ARK2N: variants seen among roughly 807,000 people sequenced by gnomAD.
ARK2N encodes the protein arkadia (RNF111) N-terminal like PKA signaling regulator 2N, also known as protein ARK2N.
At chr18:46,262,991 C>G in the ARK2N span, 2 of 1,614,114 alleles carry the variant, frequency 1.2e-6, no homozygotes, top group Non-Finnish European at 1.7e-6. Context: ...GGCTCGGGCA[C>G]GCAGTATGTT....
chr18:46,181,402 C>T, the ARK2N span, among the ~76,000 whole-genome samples: 3 of 152,110 alleles, frequency 2.0e-5, no homozygotes, highest in Admixed American at 6.5e-5. Flanking sequence ...CTTAGAGCAG[C>T]CATTCCTAAG....
the ARK2N span, among the ~76,000 whole-genome samples, chr18:46,257,436 C>G: frequency 6.6e-6 from 1 of 152,152 alleles, no homozygotes; most frequent in Non-Finnish European, 1.5e-5. Context: ...TAGTCCTAGA[C>G]TAGAAAGCAT....
the ARK2N span, among the ~76,000 whole-genome samples, chr18:46,236,899 T>C: frequency 6.6e-6 from 1 of 151,664 alleles, no homozygotes; most frequent in Admixed American, 6.6e-5. Context: ...AATCTTGCTC[T>C]GTTGGCCACA....
At chr18:46,173,971 C>T in the ARK2N span, 1 of 152,292 alleles carries the variant, frequency 6.6e-6, no homozygotes, top group Non-Finnish European at 1.5e-5. Context: ...CGCCAGTCTC[C>T]AGAGGTCTCC....
chr18:46,190,022 A>G, the ARK2N span, among the ~76,000 whole-genome samples: 20 of 151,984 alleles, frequency 1.3e-4, no homozygotes, highest in African/African-American at 4.8e-4. Context: ...AAATTCAGAA[A>G]CTCTTCTAAA....
the ARK2N span, among the ~76,000 whole-genome samples, chr18:46,212,091 G>A: frequency 6.6e-6 from 1 of 152,066 alleles, no homozygotes; most frequent in Admixed American, 6.6e-5. Context: ...TTCACTTTCT[G>A]TGACTTTTTT....
At chr18:46,187,860 G>T in the ARK2N span, among the ~76,000 whole-genome samples, 1 of 152,062 alleles carries the variant, frequency 6.6e-6, no homozygotes, top group African/African-American at 2.4e-5. Context: ...CAGTTTTTGG[G>T]TTTTCAAGCT....
chr18:46,237,940 T>C, the ARK2N span, among the ~76,000 whole-genome samples: 1 of 152,230 alleles, frequency 6.6e-6, no homozygotes, highest in Admixed American at 6.5e-5. Flanking sequence ...CTGTCTCTGT[T>C]TATGATGAAT....
the ARK2N span, among the ~76,000 whole-genome samples, chr18:46,207,388 CTTTTTTTT>C: frequency 8.6e-6 from 1 of 115,916 alleles, no homozygotes; most frequent in Non-Finnish European, 1.7e-5. Flanking sequence ...AGTTTCTATA[CTTTTTTTT>C]TTTTTTTTTT....
the ARK2N span, among the ~76,000 whole-genome samples, chr18:46,240,578 C>T: frequency 6.6e-6 from 1 of 152,200 alleles, no homozygotes; most frequent in Non-Finnish European, 1.5e-5. Flanking sequence ...CGTTGAATCT[C>T]TCCCTGTGGG....
At chr18:46,230,200 C>T in the ARK2N span, among the ~76,000 whole-genome samples, 1 of 152,336 alleles carries the variant, frequency 6.6e-6, no homozygotes. Flanking sequence ...GCTGGGATTA[C>T]AGGCGTGAGG....
chr18:46,208,790 C>T, the ARK2N span, among the ~76,000 whole-genome samples: 1 of 151,958 alleles, frequency 6.6e-6, no homozygotes, highest in Non-Finnish European at 1.5e-5. Context: ...TTTTATGTGT[C>T]CTTATGTATG....
chr18:46,181,381 A>G, the ARK2N span, among the ~76,000 whole-genome samples: 1 of 152,130 alleles, frequency 6.6e-6, no homozygotes, highest in African/African-American at 2.4e-5. Flanking sequence ...ACAACATTAA[A>G]TCTGTTAAAA....
chr18:46,248,074 CAT>C, the ARK2N span, among the ~76,000 whole-genome samples: 1 of 152,146 alleles, frequency 6.6e-6, no homozygotes, highest in Admixed American at 6.5e-5. Context: ...GAGAGACTAA[CAT>C]AGGTGCCAGG....
chr18:46,223,352 G>A, the ARK2N span, among the ~76,000 whole-genome samples: 1 of 152,168 alleles, frequency 6.6e-6, no homozygotes, highest in Non-Finnish European at 1.5e-5. Flanking sequence ...AGTAATCAGA[G>A]GAAAAGGAAC....
chr18:46,244,774 G>A, the ARK2N span, among the ~76,000 whole-genome samples: 10 of 151,434 alleles, frequency 6.6e-5, no homozygotes, highest in African/African-American at 2.4e-4. Flanking sequence ...GCTAATTTTT[G>A]TATTTTTAGT....
At chr18:46,215,703 A>C in the ARK2N span, 1 of 534,798 alleles carries the variant, frequency 1.9e-6, no homozygotes, top group Non-Finnish European at 3.3e-6. Flanking sequence ...TATATTTTAA[A>C]GGCCTGTGTA....
the ARK2N span, chr18:46,216,019 G>A: frequency 6.2e-7 from 1 of 1,614,136 alleles, no homozygotes; most frequent in South Asian, 1.1e-5. The surrounding 1 kb of genome is among the most constrained non-coding windows in gnomAD (Gnocchi z 4.3). Context: ...AGATGGTGTA[G>A]CGGATTCTAC....
At chr18:46,222,364 G>A in the ARK2N span, among the ~76,000 whole-genome samples, 11 of 152,300 alleles carry the variant, frequency 7.2e-5, no homozygotes, top group African/African-American at 2.6e-4. Context: ...TCACAGCACA[G>A]TTCTATATTA....
Sources: gnomAD v4.1 joint callset for allele counts (sites outside exome capture counted in the v4.1 genomes callset) on GRCh38, gnomAD v4.1.1 for gene constraint, Gnocchi (gnomAD v3.1) non-coding constraint, MANE v1.5 for transcripts, NCBI Gene and HGNC (gene_info 2026-07-23, HGNC 2026-07-21) for gene names.